Variants in DMD observed in about 807,000 individuals in gnomAD.
The protein encoded by DMD is mutant dystrophin.
Under a neutral mutation model 330.1 loss-of-function variants are expected in DMD, and 63 were observed. That is an observed-to-expected ratio of 0.19 (90% CI 0.16 to 0.24). The LOEUF (loss-of-function observed/expected upper bound fraction) is 0.24, where lower values mean the gene tolerates loss of function less well. Among genes scored for constraint, DMD ranks in the 10% least tolerant of loss-of-function variants. The pLI, the probability that DMD is intolerant of heterozygous loss-of-function variation, is 1.00. For missense variants in DMD, 3,344 were observed against 2,684.1 expected, an observed-to-expected ratio of 1.25 and a Z score of -5.43; for synonymous variants, 1,223 against 959.8, an observed-to-expected ratio of 1.27 and a Z score of -5.07.
chrX:32,177,612 TTCTC>T, intron 44 of DMD, among the ~76,000 whole-genome samples: 1 of 109,069 alleles, frequency 9.2e-6, no homozygotes, highest in South Asian at 4.0e-4. Flanking sequence ...TGGTTCCCCT[TTCTC>T]TCTCTCTCTC....
intron 43 of DMD, among the ~76,000 whole-genome samples, chrX:32,238,152 A>C (rs1260640270): frequency 8.9e-6 from 1 of 112,190 alleles, no homozygotes; most frequent in Non-Finnish European, 1.9e-5. Context: ...TTGTTGAATA[A>C]CAAGTCATTC....
intron 26 of DMD, among the ~76,000 whole-genome samples, chrX:32,452,502 A>T (rs2098338502): frequency 1.3e-5 from 1 of 76,956 alleles, no homozygotes; most frequent in African/African-American, 4.3e-5. Flanking sequence ...AAAGGAAAGG[A>T]AAGGAAAGGA....
intron 1 of DMD, among the ~76,000 whole-genome samples, chrX:33,139,026 C>T (rs929040594): frequency 6.3e-5 from 7 of 111,099 alleles, no homozygotes; most frequent in African/African-American, 2.0e-4. Context: ...AAAACCAGTC[C>T]GGGAGGGCAA....
chrX:31,753,522 A>G (rs2088782237), intron 51 of DMD, among the ~76,000 whole-genome samples: 1 of 112,088 alleles, frequency 8.9e-6, no homozygotes, highest in Admixed American at 9.5e-5. Flanking sequence ...TGAGATTTTA[A>G]TTATATCTAG....
chrX:31,148,095 C>T (rs1478915528), intron 74 of DMD, among the ~76,000 whole-genome samples: 1 of 111,186 alleles, frequency 9.0e-6, no homozygotes, highest in Non-Finnish European at 1.9e-5. Context: ...ACCATTCTCT[C>T]CTCCCCGCTG....
chrX:33,237,964 A>G (rs2052518639), intron 1 of DMD, among the ~76,000 whole-genome samples: 1 of 112,376 alleles, frequency 8.9e-6, no homozygotes, highest in African/African-American at 3.2e-5. Context: ...GCCAAAAGGG[A>G]TTCATAGCTT....
intron 55 of DMD, among the ~76,000 whole-genome samples, chrX:31,596,828 A>T (rs1169817824): frequency 8.9e-6 from 1 of 112,154 alleles, no homozygotes; most frequent in Non-Finnish European, 1.9e-5. Flanking sequence ...CTAGAGCCCT[A>T]CTACTCAAAG....
intron 67 of DMD, among the ~76,000 whole-genome samples, chrX:31,184,294 A>G (rs1264964355): frequency 1.8e-5 from 2 of 112,024 alleles, no homozygotes; most frequent in African/African-American, 6.5e-5. Context: ...ACTTTCGTCT[A>G]TCTCTGTTGC....
At chrX:31,727,269 C>T (rs2086131877) in intron 52 of DMD, among the ~76,000 whole-genome samples, 1 of 112,043 alleles carries the variant, frequency 8.9e-6, no homozygotes, top group East Asian at 2.8e-4. Context: ...GAGTAAATCA[C>T]TCACTAAGAT....
At chrX:32,895,381 C>A (rs1338629007) in intron 2 of DMD, among the ~76,000 whole-genome samples, 1 of 112,427 alleles carries the variant, frequency 8.9e-6, no homozygotes, top group Admixed American at 9.4e-5. Context: ...ATACTTTATA[C>A]TTCTGGTTCA....
chrX:33,041,369 C>A (rs2094297688), intron 1 of DMD: 2 of 1,178,810 alleles, frequency 1.7e-6, no homozygotes, highest in African/African-American at 1.7e-5. Context: ...CTTTCCGCCC[C>A]TCCTTCTCGC....
intron 4 of DMD, among the ~76,000 whole-genome samples, chrX:32,827,661 T>C (rs751152134): frequency 0.041 from 368 of 9,049 alleles, no homozygotes; most frequent in Non-Finnish European, 0.043. Flanking sequence ...TTAACTCCCC[T>C]TTTTTTTTTT....
chrX:33,216,384 A>T (rs780893862), upstream of DMD, among the ~76,000 whole-genome samples: 1 of 111,369 alleles, frequency 9.0e-6, no homozygotes, highest in Non-Finnish European at 1.9e-5. Context: ...TATAAATGGG[A>T]GCAAAACACT....
chrX:31,968,458 A>C lies in DMD; in HGVS notation c.6495T>G (p.Thr2165=), dbSNP rs2150187797. 1 of 1,210,620 alleles carries C rather than the reference A, an allele frequency of 8.3e-7. No homozygotes were observed. The highest frequency in any genetic ancestry group is 1.1e-6 in the Non-Finnish European group (1 of 894,842). The part of the protein sequence containing the change: ...RQTVVRTLNA[T]GEEIIQQSSK... ...AGGATTGCTGAATTATTTCTTCCCC[A>C]GTTGCATTCAATGTTCTGACAACAG... Residue 2165 remains threonine (T), a synonymous_variant, in exon 45 of 79, where the codon ACT becomes ACG. Coordinates refer to ENST00000357033, the MANE Select transcript of DMD (RefSeq NM_004006.3).
chrX:33,078,230 T>A (rs113963148), intron 1 of DMD, among the ~76,000 whole-genome samples: 2,092 of 111,713 alleles, frequency 0.019, 54 homozygotes, highest in African/African-American at 0.064. Flanking sequence ...GGACAAGGTA[T>A]GAGGCCAGAT....
chrX:31,396,304 AT>A (rs1451229930), intron 60 of DMD, among the ~76,000 whole-genome samples: 2 of 109,832 alleles, frequency 1.8e-5, no homozygotes, highest in Admixed American at 9.7e-5. Flanking sequence ...CGCCCGGCTA[AT>A]TTTTTGTATT....
At chrX:32,501,190 A>G (rs2044016821) in intron 19 of DMD, among the ~76,000 whole-genome samples, 1 of 111,632 alleles carries the variant, frequency 9.0e-6, no homozygotes, top group South Asian at 3.7e-4. Flanking sequence ...AAAGACAAAA[A>G]CTTGGCTAGC....
intron 54 of DMD, among the ~76,000 whole-genome samples, chrX:31,629,737 T>C (rs2079038627): frequency 9.0e-6 from 1 of 111,706 alleles, no homozygotes; most frequent in South Asian, 3.7e-4. Context: ...ATCTCAATGC[T>C]ACAATTGGGC....
At chrX:32,515,212 G>C (rs2045740231) in intron 18 of DMD, among the ~76,000 whole-genome samples, 1 of 111,137 alleles carries the variant, frequency 9.0e-6, no homozygotes, top group South Asian at 3.8e-4. Context: ...CCGAGTGAGA[G>C]TGTGGGAAAG....
Sources: allele counts gnomAD v4.1 joint callset (sites outside exome capture counted in the v4.1 genomes callset), GRCh38; gene constraint gnomAD v4.1.1; transcripts MANE v1.5; gene names NCBI Gene and HGNC (gene_info 2026-07-23, HGNC 2026-07-21).